The following GRK1 variants were observed in gnomAD, a reference collection of about 807,000 sequenced individuals.
GRK1 encodes the protein rhodopsin kinase GRK1.
Under a neutral mutation model 41.7 loss-of-function variants are expected in GRK1, and 28 were observed. The observed-to-expected ratio is 0.67, with a 90% CI of 0.50 to 0.92. The LOEUF (loss-of-function observed/expected upper bound fraction) is 0.92. GRK1 is among the 40% of genes least tolerant of loss of function. The pLI, the probability that GRK1 is intolerant of heterozygous loss-of-function variation, is 0.00. For missense variants in GRK1, 703 were observed against 671.2 expected, an observed-to-expected ratio of 1.05 and a Z score of -0.52; for synonymous variants, 327 against 286.7, an observed-to-expected ratio of 1.14 and a Z score of -1.42.
At chr13:113,653,305 C>T in the GRK1 span, 1 of 1,610,178 alleles carries the variant, frequency 6.2e-7, no homozygotes, top group Non-Finnish European at 8.5e-7. Flanking sequence ...ACCTCACCTG[C>T]CGTTTCACAC....
At position 113,731,846 on chromosome 13, in the gene GRK1, A is replaced by T. The variant is rs1264232605; in HGVS notation, c.1194+503A>T. 6.6e-6 allele frequency among the ~76,000 whole-genome samples: 1 copy of T among 152,048 alleles called. No homozygotes were observed. Among genetic ancestry groups the T allele is most frequent in the Non-Finnish European group, 1.5e-5 (1 of 67,996 alleles). On this transcript the variant is annotated intron_variant, in intron 5 of 6. Coordinates refer to ENST00000335678, the MANE Select transcript of GRK1 (RefSeq NM_002929.3). The surrounding 1 kb of genome is among the most constrained non-coding windows in gnomAD (Gnocchi z 5.6). ...TCCCCCTCCCTGGACGGTCTTATCC[A>T]TCGCTGTTGCAGAAGAGCAAGCTCC...
At chr13:113,659,911 G>A in the GRK1 span, among the ~76,000 whole-genome samples, 1 of 152,178 alleles carries the variant, frequency 6.6e-6, no homozygotes, top group African/African-American at 2.4e-5. Flanking sequence ...AGCAACTGTT[G>A]TCTGTGAAGG....
At chr13:113,654,050 C>T in the GRK1 span, among the ~76,000 whole-genome samples, 198 of 152,306 alleles carry the variant, frequency 1.3e-3, 1 homozygote, top group African/African-American at 4.7e-3. Flanking sequence ...ACTTCCCGTG[C>T]GATTGGGAGC....
Position 113,733,726 on chromosome 13 carries a change from CGCGCGTGTGTATGTGT to C in GRK1, c.1396+644_1396+659del, listed in dbSNP as rs1262957348. On this transcript the variant is annotated intron_variant, in intron 6 of 6. Coordinates refer to ENST00000335678, the MANE Select transcript of GRK1 (RefSeq NM_002929.3). The stretch of plus-strand genomic sequence containing the variant: ...GTGCGTGTGTGCGCACGTGTGTGTG[CGCGCGTGTGTATGTGT>C]GCATACATGTGTGTGCGTGTGTATG... Among the ~76,000 whole-genome samples the C allele has an allele frequency of 9.1e-4, 79 of 86,414 alleles. 3 individuals carry two copies. Among genetic ancestry groups the C allele is most frequent in the Middle Eastern group, 0.013 (1 of 80 alleles). The allele number at this position is 86,414 out of a possible 152,430, so 56.7% of individuals were successfully genotyped here.
the GRK1 span, among the ~76,000 whole-genome samples, chr13:113,657,778 C>T: frequency 1.3e-5 from 2 of 152,250 alleles, no homozygotes; most frequent in Non-Finnish European, 2.9e-5. Flanking sequence ...ACATTTGGGG[C>T]CAGTCTGTGG....
At chr13:113,649,183 G>A in the GRK1 span, 1 of 539,748 alleles carries the variant, frequency 1.9e-6, no homozygotes, top group Non-Finnish European at 3.1e-6. This position sits in a 1 kb window ranked among gnomAD's most constrained non-coding sequence, Gnocchi z 4.7. Context: ...AATTCAACAA[G>A]GAAGAACTGA....
chr13:113,665,362 G>C (rs1388421472), upstream of GRK1, among the ~76,000 whole-genome samples: 64 of 147,700 alleles, frequency 4.3e-4, no homozygotes, highest in African/African-American at 1.6e-3. Context: ...AGGTGTGTCC[G>C]AGGTATGCCC....
In GRK1 at chr13:113,669,955, C is replaced by A. The variant is rs531174954; in HGVS notation, c.827+141C>A. The A allele has an allele frequency of 1.9e-4, 195 of 1,016,986 alleles. 1 individual carries two copies. In the East Asian group the frequency reaches 4.1e-3, roughly 21 times the overall value. 63.0% of individuals were successfully genotyped at this position (1,016,986 alleles called of 1,614,324 possible). On this transcript the variant is annotated intron_variant, in intron 2 of 6. Coordinates refer to ENST00000335678, the MANE Select transcript of GRK1 (RefSeq NM_002929.3). Reference sequence around the variant, plus strand: ...GGGAAGCCTTGCACCCATCACAATCCCCTTCTCGCTGTTGGTTCCTGAAAC... The same window carrying A: ...GGGAAGCCTTGCACCCATCACAATCACCTTCTCGCTGTTGGTTCCTGAAAC...
Position 113,732,877 on chromosome 13 carries a change from C to T in GRK1, c.1195-7C>T. ...TGGCAGGGCTAAGGCTACGCGTGTC[C>T]CCACAGGTGGAGAACAAGGAGCTGA... On this transcript the variant is annotated splice_polypyrimidine_tract_variant and splice_region_variant and intron_variant, in intron 5 of 6. Transcript: ENST00000335678. 1 of 1,536,226 alleles carries T rather than the reference C, an allele frequency of 6.5e-7. No homozygotes were observed. The highest frequency in any genetic ancestry group is 8.7e-7 in the Non-Finnish European group (1 of 1,146,754).
the GRK1 span, chr13:113,658,263 G>A: frequency 1.2e-4 from 120 of 996,074 alleles, no homozygotes; most frequent in African/African-American, 5.6e-4. Context: ...CATCGCAGGC[G>A]AAGGATCCCA....
chr13:113,656,442 G>A, the GRK1 span, among the ~76,000 whole-genome samples: 9 of 152,162 alleles, frequency 5.9e-5, no homozygotes, highest in African/African-American at 1.4e-4. Flanking sequence ...CCTGCCTCCC[G>A]GGTAGGAGCC....
the GRK1 span, among the ~76,000 whole-genome samples, chr13:113,653,735 G>C: frequency 1.3e-5 from 2 of 152,234 alleles, no homozygotes; most frequent in Non-Finnish European, 2.9e-5. Context: ...TAATCCAGAG[G>C]CTGCACCTGG....
Position 113,731,484 on chromosome 13 carries a change from G to A in GRK1, c.1194+141G>A, listed in dbSNP as rs1276630232. 9.4e-5 allele frequency: 116 copies of A among 1,238,856 alleles called. No individual in the cohort carries two copies. Among genetic ancestry groups the A allele is most frequent in the East Asian group, 3.9e-4 (15 of 38,838 alleles). The allele number at this position is 1,238,856 out of a possible 1,614,324, so 76.7% of individuals were successfully genotyped here. A position where few individuals can be genotyped will look rare whatever the true frequency, so the allele number is the denominator to read the frequency against. On this transcript the variant is annotated intron_variant, in intron 5 of 6. Transcript: ENST00000335678. This position sits in a 1 kb window ranked among gnomAD's most constrained non-coding sequence, Gnocchi z 5.6. ...TGGGGTGGGGAGGGCACAGATTCAC[G>A]TGCTGGGGTCTTGCTCCTGGGCCAT...
chr13:113,653,378 C>T, the GRK1 span: 1,472 of 1,614,200 alleles, frequency 9.1e-4, 3 homozygotes, highest in Non-Finnish European at 9.6e-4. Context: ...TTATCAGAGA[C>T]GTTGTAGACA....
At chr13:113,733,593 G>C (rs1290913534) in intron 6 of GRK1, among the ~76,000 whole-genome samples, 1 of 151,356 alleles carries the variant, frequency 6.6e-6, no homozygotes, top group East Asian at 1.9e-4. Context: ...ATACGTGTGT[G>C]TGCATGTGTG....
At chr13:113,725,206 C>G (rs1470937825) in intron 4 of GRK1, among the ~76,000 whole-genome samples, 1 of 152,276 alleles carries the variant, frequency 6.6e-6, no homozygotes. Flanking sequence ...GCGAGAGACA[C>G]CACAGCCATA....
the GRK1 span, among the ~76,000 whole-genome samples, chr13:113,661,618 G>C: frequency 6.6e-6 from 1 of 152,246 alleles, no homozygotes; most frequent in East Asian, 1.9e-4. Flanking sequence ...TGTAGCTAGA[G>C]AGAAGGCTGA....
chr13:113,733,589 G>A (rs1289940417), intron 6 of GRK1, among the ~76,000 whole-genome samples: 1 of 150,678 alleles, frequency 6.6e-6, no homozygotes, highest in African/African-American at 2.5e-5. Flanking sequence ...GTGCATACGT[G>A]TGTGTGCATG....
chr13:113,729,112 G>A (rs1247230636), intron 4 of GRK1, among the ~76,000 whole-genome samples: 1 of 152,208 alleles, frequency 6.6e-6, no homozygotes, highest in African/African-American at 2.4e-5. Flanking sequence ...AGCTGAGACT[G>A]TGGGACGAGG....
Sources: gnomAD v4.1 joint callset for allele counts (sites outside exome capture counted in the v4.1 genomes callset) on GRCh38, gnomAD v4.1.1 for gene constraint, Gnocchi (gnomAD v3.1) non-coding constraint, MANE v1.5 for transcripts, NCBI Gene and HGNC (gene_info 2026-07-23, HGNC 2026-07-21) for gene names.